The following MRPL43 variants were observed in gnomAD, a reference collection of about 807,000 sequenced individuals.
The protein encoded by MRPL43 is mitochondrial ribosomal protein L43.
Under a neutral mutation model 12.7 loss-of-function variants are expected in MRPL43, and 9 were observed. That is an observed-to-expected ratio of 0.71 (90% CI 0.43 to 1.24). MRPL43 has a LOEUF of 1.24. Ranked by LOEUF, MRPL43 falls within the 50% of genes most tolerant of loss-of-function variation. MRPL43 has a pLI of 0.00. For synonymous variants in MRPL43, 116 were observed against 96.4 expected, an observed-to-expected ratio of 1.20 and a Z score of -1.19; for missense variants, 211 against 229.2, an observed-to-expected ratio of 0.92 and a Z score of 0.51.
Position 100,986,384 on chromosome 10 carries a change from A to G in MRPL43, c.*350T>C, listed in dbSNP as rs1851467698. 2.7e-6 allele frequency: 4 copies of G among 1,464,064 alleles called. No individual in the cohort carries two copies. The highest frequency in any genetic ancestry group is 1.5e-5 in the South Asian group (1 of 68,148). 90.7% of individuals were successfully genotyped at this position (1,464,064 alleles called of 1,614,324 possible). On this transcript the variant is annotated 3_prime_UTR_variant, in exon 3 of 3. Transcript: ENST00000318364. The stretch of plus-strand genomic sequence containing the variant: ...TCCGTAGCTCAGTGGTTGTTCCAAT[A>G]AGACATCAGGGATTCTTCAGAAGCC...
At position 100,987,145 on chromosome 10, in the gene MRPL43, G is replaced by C; in HGVS notation, c.183C>G (p.Val61=). Reference sequence around the variant, plus strand: ...ACGGACGCGAGTTTACATATATTACGACCCCTGGATTCCGTCGGGCGAAGT... The same window carrying C: ...ACGGACGCGAGTTTACATATATTACCACCCCTGGATTCCGTCGGGCGAAGT... ...VIDFARRNPG[V]VIYVNSRPCC... The change falls in exon 2 of 3, where the codon GTC becomes GTG. Residue 61 remains valine (V), a synonymous_variant. Transcript: ENST00000318364. The C allele has an allele frequency of 6.2e-7, 1 of 1,613,802 alleles. No homozygotes were observed.
chr10:100,984,594 C>G, downstream of MRPL43: 1 of 1,536,208 alleles, frequency 6.5e-7, no homozygotes, highest in East Asian at 2.4e-5. Context: ...GCCACCTAAG[C>G]CCTGCGTACA....
At chr10:100,983,688 G>A, downstream of MRPL43, 1 of 1,613,466 alleles carries the variant, frequency 6.2e-7, no homozygotes, top group Non-Finnish European at 8.5e-7. Context: ...CCTCATCCTG[G>A]CCTCCTCCCT....
Position 100,986,829 on chromosome 10 carries a change from G to T in MRPL43, c.385C>A (p.Gln129Lys). 6.2e-7 allele frequency: 1 copy of T among 1,613,958 alleles called. No homozygotes were observed. Among genetic ancestry groups the T allele is most frequent in the East Asian group, 2.2e-5 (1 of 44,870 alleles). The change falls in exon 3 of 3, where the codon CAG (glutamine) becomes AAG (lysine). Residue 129 changes from glutamine (Q) to lysine (K), a missense_variant. Gln to Lys is a moderately conservative substitution (Grantham distance 53, BLOSUM62 1). Transcript: ENST00000318364. ...GGCTTGTTGGTGAAGGGGTGCCACT[G>T]GCCCTGGATGCTAGGGTTGTCGGTG... ...FHTDNPSIQG[Q>K]WHPFTNKPTT... is the part of the protein sequence containing the mutation.
At chr10:100,983,904 GCCCCACCAC>G (rs1851277127), downstream of MRPL43, 17 of 299,476 alleles carry the variant, frequency 5.7e-5, no homozygotes, top group Non-Finnish European at 9.3e-5. Context: ...GGGAGCCCCA[GCCCCACCAC>G]CCCCACCGCC....
chr10:100,979,855 C>T (rs200241224), downstream of MRPL43: 3 of 1,613,626 alleles, frequency 1.9e-6, no homozygotes, highest in African/African-American at 2.7e-5. Context: ...TAGGAAGACC[C>T]TGGAGGCCTC....
chr10:100,980,888 C>T (rs140692272), downstream of MRPL43: 9 of 1,610,806 alleles, frequency 5.6e-6, no homozygotes, highest in East Asian at 2.2e-5. Context: ...CTCCCGCTAC[C>T]GATCCTGCTA....
At chr10:100,984,805 T>C (rs1370560535), downstream of MRPL43, 21 of 1,534,462 alleles carry the variant, frequency 1.4e-5, no homozygotes, top group East Asian at 4.7e-4. Context: ...CCTGGGGAGG[T>C]AAGACTGCAT....
At chr10:100,978,381 C>T (rs746116241), downstream of MRPL43, 2 of 1,612,944 alleles carry the variant, frequency 1.2e-6, no homozygotes, top group South Asian at 1.1e-5. Flanking sequence ...TCACAGGCCT[C>T]ATCATTGGTG....
chr10:100,979,760 G>T (rs1850967811), downstream of MRPL43: 27 of 1,517,370 alleles, frequency 1.8e-5, no homozygotes, highest in Non-Finnish European at 2.3e-5. Flanking sequence ...GGTTGGCCAG[G>T]GTAACAGTGA....
chr10:100,981,529 T>A (rs1420173818), downstream of MRPL43: 1 of 1,614,106 alleles, frequency 6.2e-7, no homozygotes, highest in Admixed American at 1.7e-5. Context: ...GAAGATCGGA[T>A]GACTGAACTG....
chr10:100,980,107 C>T (rs778408699), downstream of MRPL43: 6 of 1,613,700 alleles, frequency 3.7e-6, no homozygotes, highest in Non-Finnish European at 4.2e-6. Context: ...TCACCACCTT[C>T]GTCCCCCACG....
downstream of MRPL43, chr10:100,984,085 G>A (rs1263267741): frequency 6.2e-7 from 1 of 1,613,610 alleles, no homozygotes; most frequent in African/African-American, 1.3e-5. Flanking sequence ...CTGGAAAAAA[G>A]GAAGCACACG....
downstream of MRPL43, chr10:100,983,776 GAGGATCTGCGGTGCAACTGCAGAC>G (rs1351574365): frequency 6.2e-6 from 10 of 1,608,920 alleles, no homozygotes; most frequent in Non-Finnish European, 7.6e-6. Flanking sequence ...AGCCGGGCAG[GAGGATCTGCGGTGCAACTGCAGAC>G]AGTCTCAGGC....
downstream of MRPL43, chr10:100,979,019 G>A: frequency 6.2e-7 from 1 of 1,614,018 alleles, no homozygotes. Context: ...TGTCTGCAAG[G>A]TGGATTGGGC....
chr10:100,983,219 G>A (rs1851201835), downstream of MRPL43: 1 of 1,395,744 alleles, frequency 7.2e-7, no homozygotes, highest in South Asian at 1.5e-5. Context: ...CTTGGTGCCA[G>A]GGACTTGGCA....
At chr10:100,980,849 G>A (rs778175945), downstream of MRPL43, 29 of 1,593,288 alleles carry the variant, frequency 1.8e-5, no homozygotes, top group African/African-American at 4.1e-5. Context: ...GGCTCCTAGC[G>A]GAGTCATCCA....
chr10:100,982,341 T>C (rs973685347), downstream of MRPL43, among the ~76,000 whole-genome samples: 9 of 152,320 alleles, frequency 5.9e-5, no homozygotes, highest in Middle Eastern at 6.8e-3. Context: ...TGAAGAGTTT[T>C]AGGCTGGAGA....
downstream of MRPL43, chr10:100,985,903 C>G (rs1535349): frequency 0.83 from 126,795 of 152,252 alleles, 52,994 homozygotes; most frequent in African/African-American, 0.87. Flanking sequence ...TCATTTCCTG[C>G]CTCTCATTTC....
Sources: gnomAD v4.1 joint callset for allele counts (sites outside exome capture counted in the v4.1 genomes callset) on GRCh38, gnomAD v4.1.1 for gene constraint, MANE v1.5 for transcripts, NCBI Gene and HGNC (gene_info 2026-07-23, HGNC 2026-07-21) for gene names.